Variants in HSPB8 observed in about 807,000 individuals in gnomAD.
HSPB8 encodes the protein heat shock protein beta-8.
In HSPB8, 9 loss-of-function variants were observed where a neutral mutation model predicts 16.5. That is an observed-to-expected ratio of 0.55 (90% CI 0.33 to 0.95). HSPB8 has a LOEUF of 0.95. HSPB8 is among the 40% of genes least tolerant of loss of function. HSPB8 has a pLI of 0.03. For synonymous variants in HSPB8, 99 were observed against 94.8 expected (o/e 1.04, Z -0.26); for missense variants, 238 against 251.2 (o/e 0.95, Z 0.35).
intron 2 of HSPB8, among the ~76,000 whole-genome samples, chr12:119,191,282 G>A (rs189361079): frequency 5.9e-5 from 9 of 152,216 alleles, no homozygotes; most frequent in Admixed American, 1.3e-4. Context: ...TTGAATGCAC[G>A]TCAGCCTGCC....
chr12:119,187,135 G>A (rs1954681623), intron 2 of HSPB8, 47 bp downstream of exon 2: 2 of 1,460,854 alleles, frequency 1.4e-6, no homozygotes, highest in East Asian at 2.3e-5. Flanking sequence ...TGGAGGAGGG[G>A]GCACACCTGG....
In HSPB8 at chr12:119,179,479, T is replaced by A; in HGVS notation, c.167T>A (p.Leu56His). Residue 56 changes from leucine (L) to histidine (H), a missense_variant, in exon 1 of 3, where the codon CTC (leucine) becomes CAC (histidine). Physicochemically the swap from Leu to His is moderately conservative, Grantham distance 99 (BLOSUM62 -3). Coordinates refer to ENST00000281938, the MANE Select transcript of HSPB8 (RefSeq NM_014365.3). ...ASWPDWALPR[L>H]SSAWPGTLRS... ...TGGCCCGACTGGGCTCTGCCTCGTCTCTCCTCCGCCTGGCCAGGCACCCTA... is the reference window on the plus strand; with the variant it reads ...TGGCCCGACTGGGCTCTGCCTCGTCACTCCTCCGCCTGGCCAGGCACCCTA... 6.2e-7 allele frequency: 1 copy of A among 1,613,722 alleles called. No individual in the cohort carries two copies. Among genetic ancestry groups the A allele is most frequent in the Non-Finnish European group, 8.5e-7 (1 of 1,179,962 alleles).
chr12:119,184,202 G>A (rs1346572575), intron 1 of HSPB8, among the ~76,000 whole-genome samples: 4 of 152,030 alleles, frequency 2.6e-5, no homozygotes, highest in Non-Finnish European at 5.9e-5. Flanking sequence ...TCTGAACTTC[G>A]GGTTTCCTAT....
intron 2 of HSPB8, among the ~76,000 whole-genome samples, chr12:119,192,420 G>T (rs1435223993): frequency 6.6e-6 from 1 of 152,164 alleles, no homozygotes; most frequent in Admixed American, 6.5e-5. Context: ...ACTTTGGGAG[G>T]CTGAGGTGGG....
At chr12:119,193,601 C>A in intron 2 of HSPB8, 98 bp from the exon 3 acceptor site, 1 of 1,320,484 alleles carries the variant, frequency 7.6e-7, no homozygotes, top group Non-Finnish European at 1.1e-6. Flanking sequence ...GTCCCCAAAG[C>A]CTAAGCTCTT....
rs1954730443 is a variant in HSPB8 at position 119,194,188 on chromosome 12, A to T, written c.*330A>T. On this transcript the variant is annotated 3_prime_UTR_variant, in exon 3 of 3. Transcript: ENST00000281938. ...TCACGTTGTATCTTACTTGCAGTGA[A>T]TGCAAGGGTTACTTTTCTCTGGGGA... 1 of 354,144 alleles carries T rather than the reference A, an allele frequency of 2.8e-6. No individual in the cohort carries two copies. The highest frequency in any genetic ancestry group is 5.4e-6 in the Non-Finnish European group (1 of 186,876). 21.9% of individuals were successfully genotyped at this position (354,144 alleles called of 1,614,324 possible).
In HSPB8 at chr12:119,179,233, C is replaced by A. The variant is rs1338278532; in HGVS notation, c.-80C>A. 1 of 1,454,752 alleles carries A rather than the reference C, an allele frequency of 6.9e-7. No homozygotes were observed. Among genetic ancestry groups the A allele is most frequent in the African/African-American group, 1.4e-5 (1 of 72,018 alleles). The allele number at this position is 1,454,752 out of a possible 1,614,324, so 90.1% of individuals were successfully genotyped here. A position where few individuals can be genotyped will look rare whatever the true frequency, so the allele number is the denominator to read the frequency against. On this transcript the variant is annotated 5_prime_UTR_variant, in exon 1 of 3. Transcript: ENST00000281938. ...AAGCTGAAGAATAAGCTAGCCCAGC[C>A]ACACCACCTTGTTGTGTGACCTTGG...
chr12:119,194,131 G>C lies in HSPB8; in HGVS notation c.*273G>C. ...TGATGAAAATGTTGCACATTCTATA[G>C]TTGCAAAACACATAAAAGGGGACTT... On this transcript the variant is annotated 3_prime_UTR_variant, in exon 3 of 3. Transcript: ENST00000281938. 2.0e-6 allele frequency: 1 copy of C among 494,990 alleles called. No homozygotes were observed. 30.7% of individuals were successfully genotyped at this position (494,990 alleles called of 1,614,324 possible).
intron 1 of HSPB8, among the ~76,000 whole-genome samples, chr12:119,183,730 T>C (rs1954654120): frequency 6.6e-6 from 1 of 152,202 alleles, no homozygotes; most frequent in African/African-American, 2.4e-5. Flanking sequence ...AGTTTCAAGA[T>C]GATCCTCCTA....
Position 119,179,057 on chromosome 12 carries a change from G to A in HSPB8, c.-256G>A, listed in dbSNP as rs1954615562. ...TGGGAGGACGGTGGCTTGCCGGTCTGTCGTGAGGCAGTGCGGACGGGGACC... is the reference window on the plus strand; with the variant it reads ...TGGGAGGACGGTGGCTTGCCGGTCTATCGTGAGGCAGTGCGGACGGGGACC... On this transcript the variant is annotated 5_prime_UTR_variant, in exon 1 of 3. Coordinates refer to ENST00000281938, the MANE Select transcript of HSPB8 (RefSeq NM_014365.3). 2 of 566,704 alleles carry A rather than the reference G, an allele frequency of 3.5e-6. No homozygotes were observed. The highest frequency in any genetic ancestry group is 1.9e-5 in the African/African-American group (1 of 53,498). The allele number at this position is 566,704 out of a possible 1,614,324, so 35.1% of individuals were successfully genotyped here. A position where few individuals can be genotyped will look rare whatever the true frequency, so the allele number is the denominator to read the frequency against.
chr12:119,186,530 G>A (rs2278182), intron 1 of HSPB8, among the ~76,000 whole-genome samples: 24,291 of 152,020 alleles, frequency 0.16, 2,208 homozygotes, highest in Middle Eastern at 0.22. Flanking sequence ...AAGGGAGAAC[G>A]ACGTCTGGGC....
At chr12:119,182,407 G>A (rs1202669016) in intron 1 of HSPB8, among the ~76,000 whole-genome samples, 1 of 152,334 alleles carries the variant, frequency 6.6e-6, no homozygotes, top group South Asian at 2.1e-4. Context: ...GGGAGGCCAA[G>A]GCGGGAGGAT....
intron 1 of HSPB8, 151 bp from the exon 2 acceptor site, chr12:119,186,874 G>A: frequency 1.3e-6 from 1 of 743,692 alleles, no homozygotes; most frequent in East Asian, 2.5e-5. Context: ...TGGCAGACAA[G>A]GTCCTTGAGG....
chr12:119,186,804 A>G lies in HSPB8; in HGVS notation c.368-221A>G, dbSNP rs1954678976. 8.7e-6 allele frequency: 5 copies of G among 576,478 alleles called. No individual in the cohort carries two copies. The South Asian group carries it at 9.9e-5, about 11-fold the overall frequency. 35.7% of individuals were successfully genotyped at this position (576,478 alleles called of 1,614,324 possible). ...AAACCACGGTCTACGCCTCCTTTCCATCAATTATCTTATTTCACCTTCATA... is the reference window on the plus strand; with the variant it reads ...AAACCACGGTCTACGCCTCCTTTCCGTCAATTATCTTATTTCACCTTCATA... On this transcript the variant is annotated intron_variant, in intron 1 of 2. Transcript: ENST00000281938.
chr12:119,186,747 C>A (rs536960008), intron 1 of HSPB8: 128 of 439,010 alleles, frequency 2.9e-4, no homozygotes, highest in Non-Finnish European at 5.1e-4. Flanking sequence ...GAAGTTTCTG[C>A]GATTTCCTCA....
At position 119,179,341 on chromosome 12, in the gene HSPB8, G is replaced by A; in HGVS notation, c.29G>A (p.Cys10Tyr). MADGQMPFS[C>Y]HYPSRLRRDP... ...GCTGACGGTCAGATGCCCTTCTCCT[G>A]CCACTACCCAAGCCGCCTGCGCCGA... Residue 10 changes from cysteine (C) to tyrosine (Y), a missense_variant, in exon 1 of 3, where the codon TGC becomes TAC. Coordinates refer to ENST00000281938, the MANE Select transcript of HSPB8 (RefSeq NM_014365.3). 6.2e-7 allele frequency: 1 copy of A among 1,613,980 alleles called. No homozygotes were observed.
At chr12:119,185,356 A>G (rs1372625848) in intron 1 of HSPB8, among the ~76,000 whole-genome samples, 6 of 151,754 alleles carry the variant, frequency 4.0e-5, no homozygotes, top group African/African-American at 1.4e-4. Flanking sequence ...TTATTTTGAG[A>G]CAGAGTCTCA....
chr12:119,182,927 C>G (rs369597229), intron 1 of HSPB8: 1 of 152,356 alleles, frequency 6.6e-6, no homozygotes, highest in East Asian at 1.9e-4. Flanking sequence ...TCAGGCCTCT[C>G]TGGCTGGTTC....
In HSPB8 at chr12:119,179,141, G is replaced by C. The variant is rs886049025; in HGVS notation, c.-172G>C. The C allele has an allele frequency of 1.8e-5, 13 of 713,340 alleles. No individual in the cohort carries two copies. The highest frequency in any genetic ancestry group is 3.8e-4 in the Middle Eastern group (1 of 2,658). 44.2% of individuals were successfully genotyped at this position (713,340 alleles called of 1,614,324 possible). On this transcript the variant is annotated 5_prime_UTR_variant, in exon 1 of 3. Transcript: ENST00000281938. ...ACCTTTGGGGGCTGGGACCCCAGTCGAGGGGACACAACCGTCCCTGGCAGT... is the reference window on the plus strand; with the variant it reads ...ACCTTTGGGGGCTGGGACCCCAGTCCAGGGGACACAACCGTCCCTGGCAGT...
Sources: allele counts gnomAD v4.1 joint callset (sites outside exome capture counted in the v4.1 genomes callset), GRCh38; gene constraint gnomAD v4.1.1; transcripts MANE v1.5; gene names NCBI Gene and HGNC (gene_info 2026-07-23, HGNC 2026-07-21).